Variants in ZFYVE26 observed in about 807,000 individuals in gnomAD.
ZFYVE26 encodes zinc finger FYVE domain-containing protein 26.
Under a neutral mutation model 276.5 loss-of-function variants are expected in ZFYVE26, and 181 were observed. The ratio of observed to expected loss-of-function variants is 0.65; its 90% CI spans 0.58 to 0.74. ZFYVE26 has a LOEUF of 0.74. Among genes scored for constraint, ZFYVE26 ranks in the 30% least tolerant of loss-of-function variants. The pLI is 0.00. For synonymous variants in ZFYVE26, 1,129 were observed against 1,203.1 expected (o/e 0.94, Z 1.27); for missense variants, 2,821 against 3,097.9 (o/e 0.91, Z 2.12).
At chr14:67,765,110 C>T (rs1418414933) in intron 32 of ZFYVE26, among the ~76,000 whole-genome samples, 1 of 151,938 alleles carries the variant, frequency 6.6e-6, no homozygotes, top group African/African-American at 2.4e-5. Flanking sequence ...AAATTTAACA[C>T]ATATCTGTTT....
At chr14:67,779,694 A>G (rs1384087718) in intron 23 of ZFYVE26, among the ~76,000 whole-genome samples, 1 of 152,178 alleles carries the variant, frequency 6.6e-6, no homozygotes, top group Non-Finnish European at 1.5e-5. Context: ...AGGTGAGGAC[A>G]CTCATGACCA....
intron 29 of ZFYVE26, among the ~76,000 whole-genome samples, chr14:67,769,130 G>A (rs997115258): frequency 6.6e-6 from 1 of 152,192 alleles, no homozygotes; most frequent in African/African-American, 2.4e-5. Flanking sequence ...GGTGAACTCT[G>A]TGTAGGCAAG....
intron 13 of ZFYVE26, among the ~76,000 whole-genome samples, chr14:67,731,708 T>C (rs917860811): frequency 7.2e-5 from 11 of 152,150 alleles, no homozygotes; most frequent in African/African-American, 2.4e-4. Context: ...TTTTTATACA[T>C]AGAGAACAGT....
In ZFYVE26 at chr14:67,804,282, G is replaced by A. The variant is rs766126910; in HGVS notation, c.1272-18C>T. The A allele has an allele frequency of 1.2e-6, 2 of 1,614,032 alleles. No homozygotes were observed. Among genetic ancestry groups the A allele is most frequent in the Non-Finnish European group, 1.7e-6 (2 of 1,179,918 alleles). ...TGGGGTTGCTGAATGGAAAAGTTGGGAGGATGGAAGAGAGGCAGTTTATAT... is the reference window on the plus strand; with the variant it reads ...TGGGGTTGCTGAATGGAAAAGTTGGAAGGATGGAAGAGAGGCAGTTTATAT... On this transcript the variant is annotated intron_variant, in intron 8 of 41. Transcript: ENST00000347230.
At chr14:67,793,866 TAAAAGGCCTGTAA>T (rs886992572) in intron 13 of ZFYVE26, 107 bp from the exon 14 acceptor site, 4 of 1,474,486 alleles carry the variant, frequency 2.7e-6, no homozygotes, top group African/African-American at 1.4e-5. Context: ...TGTCCTTCTG[TAAAAGGCCTGTAA>T]ATAGGTCTTA....
At chr14:67,763,345 C>T (rs1353239754) in intron 32 of ZFYVE26, among the ~76,000 whole-genome samples, 1 of 152,204 alleles carries the variant, frequency 6.6e-6, no homozygotes, top group African/African-American at 2.4e-5. Flanking sequence ...TTAGTTTACT[C>T]ATCTGTAAAA....
chr14:67,786,063 C>T, intron 17 of ZFYVE26, 41 bp from the exon 18 acceptor site: 1 of 1,614,132 alleles, frequency 6.2e-7, no homozygotes, highest in East Asian at 2.2e-5. Context: ...AAGTCTGTTG[C>T]TGACCTAATG....
At chr14:67,789,301 G>T (rs2039745682) in intron 16 of ZFYVE26, 34 bp downstream of exon 16, 2 of 1,613,126 alleles carry the variant, frequency 1.2e-6, no homozygotes, top group Non-Finnish European at 1.7e-6. Context: ...TCTCATTTGA[G>T]AATGAAGGGA....
At chr14:67,769,887 C>T in intron 28 of ZFYVE26, 157 bp from the exon 29 acceptor site, 7 of 1,008,376 alleles carry the variant, frequency 6.9e-6, no homozygotes, top group Non-Finnish European at 8.8e-6. Flanking sequence ...AGTCCTTGCC[C>T]TCAAAAATTG....
chr14:67,787,393 G>A (rs913482818), intron 16 of ZFYVE26, among the ~76,000 whole-genome samples: 6 of 152,082 alleles, frequency 3.9e-5, no homozygotes, highest in Non-Finnish European at 7.4e-5. Context: ...ATAAGGCCTA[G>A]TATTTAATAG....
At chr14:67,801,641 T>A (rs2040081046) in intron 10 of ZFYVE26, among the ~76,000 whole-genome samples, 1 of 152,170 alleles carries the variant, frequency 6.6e-6, no homozygotes, top group South Asian at 2.1e-4. Flanking sequence ...TGAAATTGCC[T>A]TAGAAGACTA....
At chr14:67,768,097 G>T (rs1035842203) in intron 30 of ZFYVE26, among the ~76,000 whole-genome samples, 4 of 152,142 alleles carry the variant, frequency 2.6e-5, no homozygotes, top group African/African-American at 9.7e-5. Context: ...CCTTCAAAGG[G>T]GCGTGTTTCT....
rs371472465 is a variant in ZFYVE26, at chr14:67,755,185, T to C, written c.6852A>G (p.Glu2284=). 7 of 1,614,182 alleles carry C rather than the reference T, an allele frequency of 4.3e-6. No individual in the cohort carries two copies. The highest frequency in any genetic ancestry group is 1.6e-4 in the Middle Eastern group (1 of 6,062). Residue 2284 remains glutamate, a synonymous_variant, in exon 37 of 42, where the codon GAA becomes GAG. Transcript: ENST00000347230. ...FFSHKAKSYT[E]LGEKLSWLLK... is the part of the protein sequence containing the mutation. ...GTAGCCATGAGAGCTTCTCTCCCAG[T>C]TCTGTATATGACTTTGCTTTGTGAC...
At chr14:67,806,799 A>G in intron 5 of ZFYVE26, 124 bp from the exon 6 acceptor site, 1 of 1,159,068 alleles carries the variant, frequency 8.6e-7, no homozygotes, top group East Asian at 2.4e-5. Flanking sequence ...GGTTTTCCAT[A>G]CTTTATCTTA....
rs764073156 is a variant in ZFYVE26, at chr14:67,782,907, C to T, written c.4245G>A (p.Glu1415=). 4.3e-6 allele frequency: 7 copies of T among 1,614,228 alleles called. No individual in the cohort carries two copies. The Admixed American group carries it at 8.3e-5, about 19-fold the overall frequency. ...TGGCCACCAAGGATTCCTCAAAAGCCTCACTCAGTACATCTAGGGCAATGG... is the reference window on the plus strand; with the variant it reads ...TGGCCACCAAGGATTCCTCAAAAGCTTCACTCAGTACATCTAGGGCAATGG... The part of the protein sequence containing the change: ...HSPIALDVLS[E]AFEESLVARD... Residue 1415 remains glutamate, a synonymous_variant, in exon 21 of 42, where the codon GAG becomes GAA. Transcript: ENST00000347230.
Position 67,815,925 on chromosome 14 carries a change from CT to C in ZFYVE26, c.38del (p.Gln13ArgfsTer38). ...HPFGKEEAASQKQLFGFFCEC... is the reference protein window; with the variant it reads ...HPFGKEEAASXKQLFGFFCEC... ...CGCAGAAAAATCCAAAAAGCTGCTTCTGCGAAGCAGCTTCCTCTTTTCCAAA... is the reference window on the plus strand; with the variant it reads ...CGCAGAAAAATCCAAAAAGCTGCTTCGCGAAGCAGCTTCCTCTTTTCCAAA... On this transcript the variant is annotated frameshift_variant, in exon 2 of 42. Coordinates refer to ENST00000347230, the MANE Select transcript of ZFYVE26 (RefSeq NM_015346.4). LOFTEE classifies it high-confidence loss of function. The C allele has an allele frequency of 6.2e-7, 1 of 1,613,440 alleles. No individual in the cohort carries two copies. Among genetic ancestry groups the C allele is most frequent in the Non-Finnish European group, 8.5e-7 (1 of 1,179,834 alleles).
intron 23 of ZFYVE26, among the ~76,000 whole-genome samples, chr14:67,778,912 AG>A (rs2039423524): frequency 1.3e-5 from 2 of 152,078 alleles, no homozygotes; most frequent in East Asian, 3.9e-4. Context: ...CCACAATCTG[AG>A]CTTACTTCTG....
intron 7 of ZFYVE26, 25 bp downstream of exon 7, chr14:67,805,429 G>T (rs1199858238): frequency 5.0e-6 from 8 of 1,614,016 alleles, no homozygotes; most frequent in Non-Finnish European, 5.9e-6. Flanking sequence ...TTCCAGAGCA[G>T]CCTGGGATGC....
At chr14:67,743,952 A>C (rs111555954), downstream of ZFYVE26, among the ~76,000 whole-genome samples, 2,526 of 152,284 alleles carry the variant, frequency 0.017, 74 homozygotes, top group African/African-American at 0.053. Flanking sequence ...GGGCTCCAAG[A>C]AGAAATAACA....
Sources: gnomAD v4.1 joint callset for allele counts (sites outside exome capture counted in the v4.1 genomes callset) on GRCh38, gnomAD v4.1.1 for gene constraint, MANE v1.5 for transcripts, NCBI Gene and HGNC (gene_info 2026-07-23, HGNC 2026-07-21) for gene names.